DMD: variants seen among roughly 807,000 people sequenced by gnomAD.
The protein encoded by DMD is dystrophin.
In DMD, 63 loss-of-function variants were observed where a neutral mutation model predicts 330.1. The observed-to-expected ratio is 0.19, with a 90% CI of 0.16 to 0.24. The LOEUF is 0.24. Ranked by LOEUF, DMD falls within the 10% of genes least tolerant of loss-of-function variation. The probability of loss-of-function intolerance (pLI) is 1.00; values close to 1 mark genes in which losing one functional copy is unlikely to be tolerated. For synonymous variants in DMD, 1,223 were observed against 959.8 expected (o/e 1.27, Z -5.07); for missense variants, 3,344 against 2,684.1 (o/e 1.25, Z -5.43).
intron 44 of DMD, among the ~76,000 whole-genome samples, chrX:32,039,038 T>C (rs1016562918): frequency 9.0e-6 from 1 of 111,414 alleles, no homozygotes. Flanking sequence ...AAGTTACTGA[T>C]CTTCTCTGAG....
intron 60 of DMD, among the ~76,000 whole-genome samples, chrX:31,384,007 G>A (rs187822065): frequency 1.8e-5 from 2 of 112,106 alleles, no homozygotes; most frequent in African/African-American, 6.5e-5. Flanking sequence ...ACCCTCCACT[G>A]AGCTGTTAAC....
intron 1 of DMD, among the ~76,000 whole-genome samples, chrX:33,228,534 G>A (rs911064409): frequency 5.6e-4 from 62 of 109,866 alleles, no homozygotes; most frequent in African/African-American, 1.9e-3. Context: ...GTATGAAAAC[G>A]GGGAAATCTG....
At chrX:31,530,647 C>CTTTTTTTTTTTTTTTTTTT (rs1192286078) in intron 55 of DMD, among the ~76,000 whole-genome samples, 8 of 49,843 alleles carry the variant, frequency 1.6e-4, no homozygotes, top group Non-Finnish European at 2.2e-4. Flanking sequence ...ACTGGTTTCT[C>CTTTTTTTTTTTTTTTTTTT]TTTTTTTTTT....
chrX:32,211,956 T>A (rs2097095330), intron 44 of DMD, among the ~76,000 whole-genome samples: 1 of 112,151 alleles, frequency 8.9e-6, no homozygotes, highest in African/African-American at 3.2e-5. Context: ...TTTTTCCTAG[T>A]CTCCAAGAAC....
chrX:31,237,105 T>C (rs1052445891), intron 63 of DMD, among the ~76,000 whole-genome samples: 7 of 112,208 alleles, frequency 6.2e-5, no homozygotes, highest in African/African-American at 1.9e-4. Flanking sequence ...AAAAGCAAAC[T>C]GACCTTCTTG....
chrX:32,014,965 T>C (rs1016984721), intron 44 of DMD, among the ~76,000 whole-genome samples: 4 of 112,493 alleles, frequency 3.6e-5, no homozygotes, highest in African/African-American at 1.3e-4. Context: ...TTTGCGAAGA[T>C]GGTAGTTCTT....
chrX:32,288,310 T>C (rs1436126525), intron 42 of DMD, among the ~76,000 whole-genome samples: 1 of 111,978 alleles, frequency 8.9e-6, no homozygotes. Flanking sequence ...TGAATTATAG[T>C]AATTCAATTA....
chrX:33,246,767 C>T (rs1009225659), intron 1 of DMD, among the ~76,000 whole-genome samples: 1 of 110,818 alleles, frequency 9.0e-6, no homozygotes, highest in Non-Finnish European at 1.9e-5. Flanking sequence ...CTCACTGCAA[C>T]GTCCACCTTC....
intron 12 of DMD, among the ~76,000 whole-genome samples, chrX:32,603,047 C>A (rs1242030844): frequency 1.8e-5 from 2 of 111,329 alleles, no homozygotes; most frequent in African/African-American, 6.5e-5. Flanking sequence ...TTCTATTCTA[C>A]CACCACAGAA....
intron 59 of DMD, among the ~76,000 whole-genome samples, chrX:31,468,378 A>G (rs150246910): frequency 0.02 from 2,274 of 111,872 alleles, 58 homozygotes; most frequent in African/African-American, 0.069. Context: ...ATTTATTCTC[A>G]TTGGTTTGAA....
intron 44 of DMD, among the ~76,000 whole-genome samples, chrX:32,123,242 T>TATATATAA (rs1311432895): frequency 2.5e-5 from 2 of 80,970 alleles, no homozygotes; most frequent in East Asian, 7.8e-4. Flanking sequence ...TATATATATA[T>TATATATAA]AAATGATCAA....
At chrX:31,991,037 A>C (rs2095546538) in intron 44 of DMD, among the ~76,000 whole-genome samples, 1 of 111,824 alleles carries the variant, frequency 8.9e-6, no homozygotes, top group African/African-American at 3.2e-5. Flanking sequence ...TTTTCCTGAA[A>C]ACCAATACAG....
intron 2 of DMD, among the ~76,000 whole-genome samples, chrX:32,889,119 C>A (rs1163652753): frequency 1.8e-5 from 2 of 110,117 alleles, no homozygotes; most frequent in South Asian, 4.0e-4. Flanking sequence ...GGGTCCCATT[C>A]CAGAGTCCAG....
chrX:32,155,524 G>A, intron 44 of DMD: 1 of 591,526 alleles, frequency 1.7e-6, no homozygotes. Context: ...TTTGTGTGTA[G>A]CAAAGGCTCT....
chrX:33,200,993 G>A (rs1327583489), intron 1 of DMD, among the ~76,000 whole-genome samples: 2 of 93,368 alleles, frequency 2.1e-5, no homozygotes, highest in African/African-American at 4.1e-5. Flanking sequence ...GTACAGTGGC[G>A]AGATCTCCGC....
chrX:33,334,905 G>C (rs758901850), intron 1 of DMD, among the ~76,000 whole-genome samples: 7 of 111,501 alleles, frequency 6.3e-5, no homozygotes, highest in African/African-American at 2.3e-4. Context: ...GAACACTTTA[G>C]GAATAAGGAG....
At chrX:33,215,859 A>C (rs7884911), upstream of DMD, among the ~76,000 whole-genome samples, 1,580 of 111,248 alleles carry the variant, frequency 0.014, 30 homozygotes, top group African/African-American at 0.05. Flanking sequence ...TTCTGGGTTC[A>C]CTATTCTGTT....
chrX:31,922,687 T>C (rs2094711120), intron 47 of DMD, among the ~76,000 whole-genome samples: 1 of 111,497 alleles, frequency 9.0e-6, no homozygotes, highest in South Asian at 3.8e-4. Flanking sequence ...ATTCCACAAA[T>C]TTGGTCATAA....
At chrX:31,837,081 G>A (rs1171777623) in intron 48 of DMD, among the ~76,000 whole-genome samples, 1 of 111,573 alleles carries the variant, frequency 9.0e-6, no homozygotes, top group East Asian at 2.8e-4. Context: ...TTTCAAAAAA[G>A]TAAAATGCAA....
Sources: gnomAD v4.1 joint callset for allele counts (sites outside exome capture counted in the v4.1 genomes callset) on GRCh38, gnomAD v4.1.1 for gene constraint, MANE v1.5 for transcripts, NCBI Gene and HGNC (gene_info 2026-07-23, HGNC 2026-07-21) for gene names.